The following NAALADL2 variants were observed in gnomAD, a reference collection of about 807,000 sequenced individuals.
The protein encoded by NAALADL2 is N-acetylated alpha-linked acidic dipeptidase like 2.
A neutral mutation model predicts 87.2 loss-of-function variants in NAALADL2; 76 were observed. That is an observed-to-expected ratio of 0.87 (90% CI 0.72 to 1.05). NAALADL2 has a LOEUF of 1.05. Ranked by LOEUF, NAALADL2 falls within the 50% of genes least tolerant of loss-of-function variation. The pLI is 0.00. For synonymous variants in NAALADL2, 354 were observed against 331.0 expected (o/e 1.07, Z -0.75); for missense variants, 1,089 against 945.8 (o/e 1.15, Z -1.99).
chr3:174,675,463 G>T (rs1263789575), intron 2 of NAALADL2, among the ~76,000 whole-genome samples: 1 of 151,952 alleles, frequency 6.6e-6, no homozygotes, highest in Admixed American at 6.6e-5. Context: ...TGTTAAATAA[G>T]GTTCCTCGCT....
chr3:174,965,062 G>C (rs1450665069), intron 1 of NAALADL2, among the ~76,000 whole-genome samples: 1 of 151,982 alleles, frequency 6.6e-6, no homozygotes, highest in Non-Finnish European at 1.5e-5. Context: ...TAATTTAGTT[G>C]GCTGGTTCTA....
intron 2 of NAALADL2, among the ~76,000 whole-genome samples, chr3:175,110,662 A>G (rs1046350242): frequency 6.6e-6 from 1 of 151,808 alleles, no homozygotes; most frequent in Non-Finnish European, 1.5e-5. Flanking sequence ...GAATAAAATT[A>G]TTTTTCTGTT....
intron 1 of NAALADL2, among the ~76,000 whole-genome samples, chr3:174,908,881 A>G (rs1733318295): frequency 6.6e-6 from 1 of 152,086 alleles, no homozygotes; most frequent in Admixed American, 6.5e-5. Flanking sequence ...CTAATTTTAA[A>G]GAAGAAAAGG....
At chr3:174,921,235 A>G (rs1434328631) in intron 1 of NAALADL2, among the ~76,000 whole-genome samples, 1 of 152,226 alleles carries the variant, frequency 6.6e-6, no homozygotes, top group Non-Finnish European at 1.5e-5. Context: ...AAATGCAAAA[A>G]GTGAAGTTCA....
At chr3:174,877,381 G>T (rs1728640525) in intron 1 of NAALADL2, among the ~76,000 whole-genome samples, 1 of 151,952 alleles carries the variant, frequency 6.6e-6, no homozygotes, top group Non-Finnish European at 1.5e-5. Context: ...CTTTAATTGA[G>T]GCCTTCTTTC....
intron 11 of NAALADL2, among the ~76,000 whole-genome samples, chr3:175,701,607 AC>A (rs1185675069): frequency 1.3e-5 from 2 of 152,100 alleles, no homozygotes; most frequent in African/African-American, 4.8e-5. Flanking sequence ...CTATGATTTT[AC>A]CATGTTAAAC....
intron 11 of NAALADL2, among the ~76,000 whole-genome samples, chr3:175,635,252 T>G (rs973097248): frequency 2.0e-5 from 3 of 152,050 alleles, no homozygotes; most frequent in African/African-American, 7.2e-5. Flanking sequence ...TACTCAAAAG[T>G]GAATTATTAC....
At position 174,766,126 on chromosome 3, in the gene NAALADL2, A is replaced by T. The variant is rs190921020; in HGVS notation, c.-9+28380A>T. ...AAGAGACTTCTGCTTTCTCTGGGGA[A>T]TGCCTCTTTATACCACCTTTCCCTT... On this transcript the variant is annotated intron_variant, in intron 3 of 3. Coordinates refer to the NAALADL2 transcript ENST00000434257. Among the ~76,000 whole-genome samples the T allele has an allele frequency of 7.2e-5, 11 of 152,286 alleles. No homozygotes were observed. The East Asian group carries it at 2.1e-3, about 29-fold the overall frequency.
chr3:175,310,559 T>A (rs1480593044), intron 4 of NAALADL2, among the ~76,000 whole-genome samples: 3 of 152,066 alleles, frequency 2.0e-5, no homozygotes, highest in African/African-American at 7.2e-5. Context: ...CCCCATTTAT[T>A]ATGGCTTTAT....
At chr3:174,552,816 A>AG (rs1177348990) in intron 2 of NAALADL2, among the ~76,000 whole-genome samples, 1 of 143,894 alleles carries the variant, frequency 6.9e-6, no homozygotes, top group Non-Finnish European at 1.5e-5. Flanking sequence ...AAAAAAAAAA[A>AG]AAAAAAAATC....
chr3:175,703,597 G>A (rs1739276562), intron 11 of NAALADL2, among the ~76,000 whole-genome samples: 1 of 151,994 alleles, frequency 6.6e-6, no homozygotes, highest in Non-Finnish European at 1.5e-5. Context: ...ACAAAAATTA[G>A]TCAGGAGCGG....
At chr3:175,019,697 G>A (rs890313213) in intron 1 of NAALADL2, among the ~76,000 whole-genome samples, 2 of 152,014 alleles carry the variant, frequency 1.3e-5, no homozygotes, top group African/African-American at 4.8e-5. Context: ...CCGTTAAGCA[G>A]TTGCTGAGCC....
intron 1 of NAALADL2, among the ~76,000 whole-genome samples, chr3:174,948,340 C>T (rs1324264521): frequency 6.6e-6 from 1 of 152,080 alleles, no homozygotes; most frequent in Non-Finnish European, 1.5e-5. Flanking sequence ...CCAAACCCGG[C>T]TAATTTTTGT....
chr3:175,514,716 CAG>C (rs1338958071), intron 9 of NAALADL2, among the ~76,000 whole-genome samples: 4 of 152,098 alleles, frequency 2.6e-5, no homozygotes, highest in Non-Finnish European at 5.9e-5. Context: ...CACAAGCACA[CAG>C]AGTCTGTGGC....
At chr3:174,441,498 C>T (rs760462193) in intron 1 of NAALADL2, among the ~76,000 whole-genome samples, 2 of 152,104 alleles carry the variant, frequency 1.3e-5, no homozygotes, top group African/African-American at 4.8e-5. Context: ...CGGGCCCGCG[C>T]GTTCGAAATG....
intron 2 of NAALADL2, among the ~76,000 whole-genome samples, chr3:174,610,506 G>T (rs1298134844): frequency 6.6e-6 from 1 of 152,124 alleles, no homozygotes; most frequent in Non-Finnish European, 1.5e-5. Flanking sequence ...GTGGGCGAAA[G>T]ACATGAAAAG....
chr3:174,525,056 A>G (rs182453514), intron 1 of NAALADL2, among the ~76,000 whole-genome samples: 2 of 152,342 alleles, frequency 1.3e-5, no homozygotes, highest in Non-Finnish European at 2.9e-5. Context: ...CTGTGTGTAC[A>G]GTCGTCTGTA....
At chr3:175,124,672 G>A (rs1726666797) in intron 2 of NAALADL2, 1 of 151,982 alleles carries the variant, frequency 6.6e-6, no homozygotes, top group East Asian at 1.9e-4. Context: ...ACACAAGAAT[G>A]TGTGCCACAC....
intron 2 of NAALADL2, among the ~76,000 whole-genome samples, chr3:174,582,471 CTTGGGAAATGAAGGATTCTTA>C (rs1364113970): frequency 6.6e-6 from 1 of 152,178 alleles, no homozygotes; most frequent in Admixed American, 6.5e-5. Flanking sequence ...TACCAACAAT[CTTGGGAAATGAAGGATTCTTA>C]TTGGATAATA....
Sources: gnomAD v4.1 joint callset for allele counts (sites outside exome capture counted in the v4.1 genomes callset) on GRCh38, gnomAD v4.1.1 for gene constraint, MANE v1.5 for transcripts, NCBI Gene and HGNC (gene_info 2026-07-23, HGNC 2026-07-21) for gene names.